Variants in CALN1 observed in about 807,000 individuals in gnomAD.
The protein encoded by CALN1 is calcium-binding protein 8.
Under a neutral mutation model 30.6 loss-of-function variants are expected in CALN1, and 17 were observed. That is an observed-to-expected ratio of 0.56 (90% CI 0.38 to 0.83). The LOEUF is 0.83. Ranked by LOEUF, CALN1 falls within the 40% of genes least tolerant of loss-of-function variation. The pLI is 0.00. For missense variants in CALN1, 291 were observed against 354.9 expected (o/e 0.82, Z 1.45); for synonymous variants, 156 against 131.4 (o/e 1.19, Z -1.28).
intron 5 of CALN1, among the ~76,000 whole-genome samples, chr7:71,905,241 T>C (rs530015650): frequency 1.3e-5 from 2 of 152,174 alleles, no homozygotes; most frequent in Admixed American, 6.5e-5. Context: ...GCCTGGCCTA[T>C]TTATTTATTT....
At chr7:72,214,295 C>T (rs1227555710) in intron 3 of CALN1, among the ~76,000 whole-genome samples, 1 of 152,108 alleles carries the variant, frequency 6.6e-6, no homozygotes. Context: ...GCCTGGCCAA[C>T]ATGATGAAAC....
intron 5 of CALN1, among the ~76,000 whole-genome samples, chr7:71,891,520 A>G (rs7795294): frequency 0.39 from 58,843 of 151,978 alleles, 13,631 homozygotes; most frequent in African/African-American, 0.64. Context: ...GTCTTTCGGG[A>G]AGCTACTTAG....
chr7:72,105,303 G>A (rs62462786), intron 4 of CALN1, among the ~76,000 whole-genome samples: 3 of 152,272 alleles, frequency 2.0e-5, no homozygotes, highest in Admixed American at 2.0e-4. Context: ...ATTTGTCCAT[G>A]TCTGGACTTG....
At chr7:71,981,540 A>G (rs1798392726) in intron 5 of CALN1, among the ~76,000 whole-genome samples, 3 of 152,158 alleles carry the variant, frequency 2.0e-5, no homozygotes, top group African/African-American at 7.2e-5. Context: ...TGTAGTCCCA[A>G]CTACTCAGGA....
chr7:72,436,169 G>T (rs2129564206), intron 1 of CALN1, among the ~76,000 whole-genome samples: 1 of 152,302 alleles, frequency 6.6e-6, no homozygotes, highest in South Asian at 2.1e-4. Context: ...CTGCTGATAT[G>T]GTTTGGCTGT....
At chr7:72,116,156 C>T (rs537525138) in intron 3 of CALN1, among the ~76,000 whole-genome samples, 1 of 152,234 alleles carries the variant, frequency 6.6e-6, no homozygotes, top group South Asian at 2.1e-4. Flanking sequence ...ACTCATTGAA[C>T]GTGCCTCTAC....
At chr7:72,041,865 G>A (rs1802152371) in intron 4 of CALN1, among the ~76,000 whole-genome samples, 1 of 152,128 alleles carries the variant, frequency 6.6e-6, no homozygotes, top group Non-Finnish European at 1.5e-5. Context: ...CTCCTTCTTT[G>A]CCTGCCACCA....
chr7:71,873,736 A>G (rs1792082653), intron 5 of CALN1, among the ~76,000 whole-genome samples: 1 of 152,254 alleles, frequency 6.6e-6, no homozygotes, highest in African/African-American at 2.4e-5. Flanking sequence ...AACGCACTGC[A>G]GAGTTTGAGA....
chr7:71,844,410 T>C (rs755896345), intron 5 of CALN1, among the ~76,000 whole-genome samples: 2 of 152,228 alleles, frequency 1.3e-5, no homozygotes, highest in Admixed American at 6.5e-5. Context: ...AAACAACAGC[T>C]TTATGCATAG....
At chr7:72,141,537 G>A (rs944756536) in intron 3 of CALN1, among the ~76,000 whole-genome samples, 6 of 151,934 alleles carry the variant, frequency 3.9e-5, no homozygotes, top group African/African-American at 1.5e-4. Flanking sequence ...GTGTCCGAGG[G>A]CTCAAAACTC....
chr7:71,932,164 G>T (rs760667378), intron 5 of CALN1, among the ~76,000 whole-genome samples: 2 of 152,158 alleles, frequency 1.3e-5, no homozygotes, highest in African/African-American at 2.4e-5. Flanking sequence ...CAACAATGCT[G>T]TGACCCAAGA....
At chr7:71,814,920 G>A (rs374878784) in intron 5 of CALN1, among the ~76,000 whole-genome samples, 3 of 148,962 alleles carry the variant, frequency 2.0e-5, no homozygotes, top group Non-Finnish European at 4.4e-5. Flanking sequence ...TGTAATCTCC[G>A]CCTCCTGGGT....
At chr7:72,125,069 C>A (rs1808649769) in intron 3 of CALN1, among the ~76,000 whole-genome samples, 2 of 152,100 alleles carry the variant, frequency 1.3e-5, no homozygotes, top group South Asian at 4.1e-4. Context: ...CACTTTGTCA[C>A]CTGGGCTGGC....
chr7:71,905,076 T>C, intron 5 of CALN1, among the ~76,000 whole-genome samples: 1 of 152,054 alleles, frequency 6.6e-6, no homozygotes. Flanking sequence ...GTAGCTGGAA[T>C]TACAGGTGTC....
intron 1 of CALN1, 31 bp from the exon 2 acceptor site, chr7:72,403,473 GCA>G: frequency 2.3e-6 from 2 of 855,576 alleles, no homozygotes; most frequent in Non-Finnish European, 3.6e-6. Context: ...CTTACAGCCT[GCA>G]CAGTGCTGGG....
intron 5 of CALN1, among the ~76,000 whole-genome samples, chr7:71,857,443 G>C (rs1031905868): frequency 1.4e-4 from 22 of 152,182 alleles, no homozygotes; most frequent in African/African-American, 5.3e-4. Flanking sequence ...TGGAAGTGCT[G>C]TCAGGGCTCT....
chr7:72,289,348 G>C (rs1486996545), intron 2 of CALN1, among the ~76,000 whole-genome samples: 1 of 152,164 alleles, frequency 6.6e-6, no homozygotes, highest in Non-Finnish European at 1.5e-5. Context: ...AGGAAGCTGG[G>C]AGGCCAATAA....
At chr7:72,174,021 T>TGCATA (rs1426504093) in intron 3 of CALN1, among the ~76,000 whole-genome samples, 2 of 151,720 alleles carry the variant, frequency 1.3e-5, no homozygotes, top group Non-Finnish European at 2.9e-5. Flanking sequence ...GGAGAATATA[T>TGCATA]TTGCAACATG....
intron 4 of CALN1, among the ~76,000 whole-genome samples, chr7:72,032,052 CTTTTTTTTTT>C (rs1184047697): frequency 1.1e-4 from 7 of 66,566 alleles, no homozygotes; most frequent in Admixed American, 2.0e-4. Context: ...TGGCTCCTGG[CTTTTTTTTTT>C]TTTTTTTTTT....
Sources: allele counts gnomAD v4.1 joint callset (sites outside exome capture counted in the v4.1 genomes callset), GRCh38; gene constraint gnomAD v4.1.1; transcripts MANE v1.5; gene names NCBI Gene and HGNC (gene_info 2026-07-23, HGNC 2026-07-21).